Variants in SSH2 observed in about 807,000 individuals in gnomAD.
SSH2 encodes protein phosphatase Slingshot homolog 2.
SSH2 carries 37 observed loss-of-function variants against 135.2 expected under a neutral mutation model. The observed-to-expected ratio is 0.27, with a 90% CI of 0.21 to 0.36. The LOEUF is 0.36. SSH2 is among the 10% of genes least tolerant of loss of function. The probability of loss-of-function intolerance (pLI) is 1.00; values close to 1 mark genes in which losing one functional copy is unlikely to be tolerated. For missense variants in SSH2, 1,408 were observed against 1,765.3 expected (o/e 0.80, Z 3.63); for synonymous variants, 628 against 646.2 (o/e 0.97, Z 0.43).
At chr17:29,700,110 T>A (rs138709740) in intron 4 of SSH2, among the ~76,000 whole-genome samples, 64 of 152,324 alleles carry the variant, frequency 4.2e-4, no homozygotes, top group Middle Eastern at 3.4e-3. Flanking sequence ...AACTACTGGC[T>A]CAATGGGATC....
intron 1 of SSH2, among the ~76,000 whole-genome samples, chr17:29,913,987 C>T (rs772705179): frequency 2.0e-5 from 3 of 152,116 alleles, no homozygotes; most frequent in Admixed American, 1.3e-4. Context: ...ACCACAGCAT[C>T]TAAAATCCCC....
rs769679069 is a variant in SSH2 at position 29,703,078 on chromosome 17, C to G, written c.189-16G>C. Reference sequence around the variant, plus strand: ...CTCGCTGATGCTACAAGGAAAAAGTCAAAAGAAAATAAATTACTTAGGAAA... The same window carrying G: ...CTCGCTGATGCTACAAGGAAAAAGTGAAAAGAAAATAAATTACTTAGGAAA... On this transcript the variant is annotated splice_polypyrimidine_tract_variant and intron_variant, in intron 3 of 15. Transcript: ENST00000540801. The G allele has an allele frequency of 4.5e-6, 7 of 1,566,144 alleles. No individual in the cohort carries two copies. Among genetic ancestry groups the G allele is most frequent in the Non-Finnish European group, 6.2e-6 (7 of 1,136,852 alleles).
intron 1 of SSH2, among the ~76,000 whole-genome samples, chr17:29,890,567 C>A (rs1242140417): frequency 6.6e-6 from 1 of 152,080 alleles, no homozygotes; most frequent in Non-Finnish European, 1.5e-5. Context: ...CACTCATAGG[C>A]CAGTCCAGAA....
At chr17:29,687,992 C>T (rs1416665073) in intron 5 of SSH2, among the ~76,000 whole-genome samples, 2 of 149,364 alleles carry the variant, frequency 1.3e-5, no homozygotes, top group Non-Finnish European at 3.0e-5. Flanking sequence ...AAGTGATATT[C>T]ATTGCAAACA....
At chr17:29,769,803 G>T (rs1025307848) in intron 3 of SSH2, among the ~76,000 whole-genome samples, 2 of 152,112 alleles carry the variant, frequency 1.3e-5, no homozygotes, top group African/African-American at 4.8e-5. Context: ...ACTAAATTCA[G>T]TTTGACTAAT....
At position 29,756,386 on chromosome 17, in the gene SSH2, TCA is replaced by T. The variant is rs2041122497; in HGVS notation, c.188+37506_188+37507del. 1.3e-5 allele frequency among the ~76,000 whole-genome samples: 2 copies of T among 151,916 alleles called. 1 individual carries two copies. The highest frequency in any genetic ancestry group is 4.2e-4 in the South Asian group (2 of 4,818). The stretch of plus-strand genomic sequence containing the variant: ...CCTAGGCTCAAGCAATCCTCCTGCC[TCA>T]GTCTCTTGAGTAGTTAGGACTACAG... On this transcript the variant is annotated intron_variant, in intron 3 of 15. Transcript: ENST00000540801.
Position 29,760,995 on chromosome 17 carries a change from A to G in SSH2, c.188+32899T>C, listed in dbSNP as rs574869036. 156 of 697,688 alleles carry G rather than the reference A, an allele frequency of 2.2e-4. 1 individual carries two copies. The South Asian group carries it at 2.4e-3, about 11-fold the overall frequency. 43.2% of individuals were successfully genotyped at this position (697,688 alleles called of 1,614,324 possible). A position where few individuals can be genotyped will look rare whatever the true frequency, so the allele number is the denominator to read the frequency against. On this transcript the variant is annotated intron_variant, in intron 3 of 15. Coordinates refer to ENST00000540801, the MANE Select transcript of SSH2 (RefSeq NM_001282129.2). ...AATCCCCCCACCGTTCTACCCCAGC[A>G]TCCTTCCCTCCAGACGCACGGAGAC... is the stretch of plus-strand genomic sequence containing the variant.
At chr17:29,883,765 A>T (rs975540506) in intron 1 of SSH2, among the ~76,000 whole-genome samples, 20 of 152,112 alleles carry the variant, frequency 1.3e-4, no homozygotes, top group African/African-American at 4.8e-4. Flanking sequence ...CCTATCAATT[A>T]TCTCCTGTCT....
chr17:29,743,030 C>G lies in SSH2; in HGVS notation c.189-39968G>C, dbSNP rs2040624984. ...CACTGCAACCTCCACCTCCCGGGTT[C>G]AAGGGACTCTCATGCGTCAGCCTCT... On this transcript the variant is annotated intron_variant, in intron 3 of 15. Transcript: ENST00000540801. Among the ~76,000 whole-genome samples, 3 of 152,136 alleles carry G rather than the reference C, an allele frequency of 2.0e-5. No homozygotes were observed. In the South Asian group the frequency reaches 6.2e-4, roughly 31 times the overall value.
rs916518554 is a variant in SSH2, at chr17:29,753,374, C to T, written c.188+40520G>A. Among the ~76,000 whole-genome samples the T allele has an allele frequency of 4.6e-5, 7 of 151,598 alleles. No individual in the cohort carries two copies. In the East Asian group the frequency reaches 9.8e-4, roughly 21 times the overall value. Reference sequence around the variant, plus strand: ...CGAACTCCTGACCTCAGGTGATACCCCCAACCTCAGCCTCCCAAAGTGCTG... The same window carrying T: ...CGAACTCCTGACCTCAGGTGATACCTCCAACCTCAGCCTCCCAAAGTGCTG... On this transcript the variant is annotated intron_variant, in intron 3 of 15. Transcript: ENST00000540801.
At chr17:29,832,250 C>T (rs1050281323) in intron 2 of SSH2, among the ~76,000 whole-genome samples, 5 of 152,008 alleles carry the variant, frequency 3.3e-5, no homozygotes, top group African/African-American at 1.2e-4. Flanking sequence ...CTCAAGGGAT[C>T]CTCCCACCTT....
At chr17:29,855,174 G>C (rs1012771863) in intron 1 of SSH2, among the ~76,000 whole-genome samples, 3 of 151,034 alleles carry the variant, frequency 2.0e-5, no homozygotes, top group Non-Finnish European at 4.4e-5. Flanking sequence ...ATACATTGCA[G>C]GTGTACTTAA....
intron 1 of SSH2, among the ~76,000 whole-genome samples, chr17:29,883,725 G>A (rs1263434229): frequency 6.6e-6 from 1 of 152,080 alleles, no homozygotes; most frequent in African/African-American, 2.4e-5. Flanking sequence ...TCCTTATTTA[G>A]TGTCTTAGAC....
chr17:29,679,473 T>C (rs1209252529), intron 6 of SSH2, among the ~76,000 whole-genome samples: 1 of 152,138 alleles, frequency 6.6e-6, no homozygotes, highest in Non-Finnish European at 1.5e-5. Flanking sequence ...AATGGTGTGA[T>C]ATCGGCTCAC....
intron 3 of SSH2, among the ~76,000 whole-genome samples, chr17:29,718,309 C>G (rs1274510829): frequency 6.6e-6 from 1 of 152,138 alleles, no homozygotes; most frequent in East Asian, 1.9e-4. Context: ...TCTCCTTGTT[C>G]TATATACACT....
chr17:29,886,796 T>C (rs545762475), intron 1 of SSH2, among the ~76,000 whole-genome samples: 9 of 151,086 alleles, frequency 6.0e-5, no homozygotes, highest in African/African-American at 1.7e-4. Flanking sequence ...GATGATGTGA[T>C]AGAAAATAAC....
At position 29,626,422 on chromosome 17, in the gene SSH2, T is replaced by C. The variant is rs1195583028; in HGVS notation, c.*4419A>G. ...CAGGGCCAGTTACCCAGTTTTTAGT[T>C]TGGGTATTAGCTCTGCATGTGTACA... is the stretch of plus-strand genomic sequence containing the variant. On this transcript the variant is annotated 3_prime_UTR_variant, in exon 16 of 16. Coordinates refer to ENST00000540801, the MANE Select transcript of SSH2 (RefSeq NM_001282129.2). The C allele has an allele frequency of 6.5e-6, 1 of 152,676 alleles. No individual in the cohort carries two copies. The highest frequency in any genetic ancestry group is 1.5e-5 in the Non-Finnish European group (1 of 68,020). The allele number at this position is 152,676 out of a possible 1,614,324, so 9.5% of individuals were successfully genotyped here.
intron 3 of SSH2, among the ~76,000 whole-genome samples, chr17:29,780,928 C>T (rs1324011731): frequency 2.6e-5 from 4 of 152,074 alleles, no homozygotes; most frequent in Non-Finnish European, 5.9e-5. Context: ...TCTCCTGCCT[C>T]AGCCTCCCGA....
At chr17:29,866,099 T>A (rs1162748480) in intron 1 of SSH2, 2 of 92,058 alleles carry the variant, frequency 2.2e-5, no homozygotes, top group African/African-American at 4.1e-5. Context: ...TGAAACTCCA[T>A]CTCAAAAAAA....
Sources: gnomAD v4.1 joint callset for allele counts (sites outside exome capture counted in the v4.1 genomes callset) on GRCh38, gnomAD v4.1.1 for gene constraint, MANE v1.5 for transcripts, NCBI Gene and HGNC (gene_info 2026-07-23, HGNC 2026-07-21) for gene names.